Variants in COL5A1 observed in about 807,000 individuals in gnomAD.
The protein encoded by COL5A1 is collagen type V alpha 1 chain, also known as collagen alpha-1(V) chain.
In COL5A1, 16 loss-of-function variants were observed where a neutral mutation model predicts 263.7. The observed-to-expected ratio is 0.06, with a 90% confidence interval of 0.04 to 0.09. The LOEUF is 0.09. Ranked by LOEUF, COL5A1 falls within the 10% of genes least tolerant of loss-of-function variation. The pLI is 1.00. For synonymous variants in COL5A1, 1,012 were observed against 1,004.5 expected (o/e 1.01, Z -0.14); for missense variants, 2,036 against 2,540.5 (o/e 0.80, Z 4.27).
Position 134,680,668 on chromosome 9 carries a change from G to A in COL5A1, c.110-10244G>A, listed in dbSNP as rs1372929013. On this transcript the variant is annotated intron_variant, in intron 1 of 65. Transcript: ENST00000371817. This position sits in a 1 kb window ranked among gnomAD's most constrained non-coding sequence, Gnocchi z 5.9. ...CATGCTGTGCACTGCACAACCCCAG[G>A]GAGCGCTGTTCTAATGCACCATGAT... 1.3e-5 allele frequency among the ~76,000 whole-genome samples: 2 copies of A among 152,220 alleles called. No individual in the cohort carries two copies. Among genetic ancestry groups the A allele is most frequent in the South Asian group, 4.1e-4 (2 of 4,832 alleles).
At position 134,701,301 on chromosome 9, in the gene COL5A1, G is replaced by C; in HGVS notation, c.622G>C (p.Gly208Arg). 1 of 1,613,992 alleles carries C rather than the reference G, an allele frequency of 6.2e-7. No individual in the cohort carries two copies. The highest frequency in any genetic ancestry group is 8.5e-7 in the Non-Finnish European group (1 of 1,180,020). Residue 208 changes from glycine to arginine, a missense_variant, in exon 4 of 66, where the codon GGC becomes CGC. By Grantham distance (125) the Gly-to-Arg change is moderately radical. Around this residue, in one of 3 missense-constraint regions of COL5A1, gnomAD observed 600 missense variants for 634.5 expected, o/e 0.95. Coordinates refer to ENST00000371817, the MANE Select transcript of COL5A1 (RefSeq NM_000093.5). The stretch of plus-strand genomic sequence containing the variant: ...CGACATCAATGGCATCATCGTGTTT[G>C]GCACCCGGATCCTGGATGAGGAGGT... ...MIDINGIIVF[G>R]TRILDEEVFE...
At chr9:134,701,436 G>A (rs1487542286) in intron 4 of COL5A1, 103 bp downstream of exon 4, 1 of 1,145,650 alleles carries the variant, frequency 8.7e-7, no homozygotes, top group Non-Finnish European at 1.3e-6. Context: ...GGACCGGCTG[G>A]CGGTCCACTG....
At chr9:134,832,002 T>G (rs992771697) in intron 64 of COL5A1, among the ~76,000 whole-genome samples, 3 of 152,160 alleles carry the variant, frequency 2.0e-5, no homozygotes, top group African/African-American at 7.2e-5. Flanking sequence ...CAGGGGCTCA[T>G]GCTTATAATC....
rs1832745536 is a variant in COL5A1, at chr9:134,678,552, T to C, written c.110-12360T>C. On this transcript the variant is annotated intron_variant, in intron 1 of 65. Transcript: ENST00000371817. The surrounding 1 kb of genome is among the most constrained non-coding windows in gnomAD (Gnocchi z 5.5). ...TCCCTGCAGGGCAAGCACCTGCTTC[T>C]CACCACCTGCTGCTCCTCCATGGTC... Among the ~76,000 whole-genome samples the C allele has an allele frequency of 6.6e-6, 1 of 152,232 alleles. No individual in the cohort carries two copies. Among genetic ancestry groups the C allele is most frequent in the African/African-American group, 2.4e-5 (1 of 41,462 alleles).
chr9:134,737,838 T>C (rs1418488640), intron 9 of COL5A1, among the ~76,000 whole-genome samples: 1 of 152,150 alleles, frequency 6.6e-6, no homozygotes, highest in Non-Finnish European at 1.5e-5. Flanking sequence ...TTGAGGCAGA[T>C]GGGCCCTGTG....
intron 13 of COL5A1, among the ~76,000 whole-genome samples, chr9:134,751,922 C>T (rs546013587): frequency 1.2e-4 from 18 of 152,328 alleles, no homozygotes; most frequent in South Asian, 6.2e-4. Context: ...GGCCTTTTAT[C>T]TTGTGTATTT....
At position 134,757,736 on chromosome 9, in the gene COL5A1, T is replaced by C. The variant is rs1310407632; in HGVS notation, c.1882-507T>C. Among the ~76,000 whole-genome samples the C allele has an allele frequency of 6.6e-6, 1 of 152,054 alleles. No individual in the cohort carries two copies. ...ATGAGACAGGGCCCTGTTCCCGGGCTCCAGGGCATGCAGAAGAGGGGCCGG... is the reference window on the plus strand; with the variant it reads ...ATGAGACAGGGCCCTGTTCCCGGGCCCCAGGGCATGCAGAAGAGGGGCCGG... On this transcript the variant is annotated intron_variant, in intron 17 of 65. Transcript: ENST00000371817. This position sits in a 1 kb window ranked among gnomAD's most constrained non-coding sequence, Gnocchi z 6.2.
Position 134,820,333 on chromosome 9 carries a change from C to T in COL5A1, c.4554+110C>T, listed in dbSNP as rs930176197. ...ATCAGAGCCCGGAAGGACGTCCACA[C>T]GTCGGTTGAGTCCGGTCATCCTGCT... is the stretch of plus-strand genomic sequence containing the variant. On this transcript the variant is annotated intron_variant, in intron 58 of 65. Coordinates refer to ENST00000371817, the MANE Select transcript of COL5A1 (RefSeq NM_000093.5). The T allele has an allele frequency of 2.2e-5, 19 of 846,232 alleles. No homozygotes were observed. In the East Asian group the frequency reaches 2.4e-4, roughly 11 times the overall value. The allele number at this position is 846,232 out of a possible 1,614,324, so 52.4% of individuals were successfully genotyped here.
At chr9:134,829,109 C>T (rs906230692) in intron 63 of COL5A1, among the ~76,000 whole-genome samples, 1 of 148,012 alleles carries the variant, frequency 6.8e-6, no homozygotes, top group African/African-American at 2.5e-5. Context: ...TATTACCATT[C>T]CCTTGGTCCA....
At chr9:134,839,293 G>A (rs1480045127) in intron 65 of COL5A1, among the ~76,000 whole-genome samples, 1 of 152,190 alleles carries the variant, frequency 6.6e-6, no homozygotes, top group Non-Finnish European at 1.5e-5. Context: ...GGCCTGTAAT[G>A]GTTATTTATA....
chr9:134,839,720 C>T (rs1404281824), intron 65 of COL5A1, among the ~76,000 whole-genome samples: 1 of 152,196 alleles, frequency 6.6e-6, no homozygotes, highest in Non-Finnish European at 1.5e-5. Context: ...GTCTCTGGCT[C>T]CTCGCCGGTG....
intron 4 of COL5A1, among the ~76,000 whole-genome samples, chr9:134,718,875 G>T (rs1380381571): frequency 6.6e-6 from 1 of 152,104 alleles, no homozygotes; most frequent in Non-Finnish European, 1.5e-5. Flanking sequence ...CCTTCCTCCT[G>T]GGGGGGCTGC....
intron 4 of COL5A1, among the ~76,000 whole-genome samples, chr9:134,710,266 G>A (rs186705857): frequency 6.6e-6 from 1 of 152,248 alleles, no homozygotes; most frequent in Non-Finnish European, 1.5e-5. Flanking sequence ...TCCTGCCCGC[G>A]CGAGACGGTG....
In COL5A1 at chr9:134,750,548, C is replaced by T. The variant is rs1401835114; in HGVS notation, c.1501C>T (p.Pro501Ser). Residue 501 changes from proline to serine, a missense_variant, in exon 12 of 66, where the codon CCT becomes TCT. Coordinates refer to ENST00000371817, the MANE Select transcript of COL5A1 (RefSeq NM_000093.5). ...CTTGGCCCCTTGTCTTCAGGGCCCC[C>T]CTGGACGCCCAGGCCTTCCTGGGGC... ...QVGDPGERGP[P>S]GRPGLPGADG... 8 of 1,613,714 alleles carry T rather than the reference C, an allele frequency of 5.0e-6. No individual in the cohort carries two copies. The highest frequency in any genetic ancestry group is 6.8e-6 in the Non-Finnish European group (8 of 1,180,026).
intron 18 of COL5A1, among the ~76,000 whole-genome samples, chr9:134,759,822 A>G (rs1370214161): frequency 8.0e-5 from 5 of 62,770 alleles, no homozygotes; most frequent in African/African-American, 7.8e-5. Flanking sequence ...ACGCATACAC[A>G]CCCACACCCC....
intron 25 of COL5A1, among the ~76,000 whole-genome samples, chr9:134,769,663 A>C (rs1836804035): frequency 6.6e-6 from 1 of 151,904 alleles, no homozygotes; most frequent in South Asian, 2.1e-4. Context: ...ATCTGTGGGG[A>C]CAGTGGCTGG....
At chr9:134,805,523 C>T (rs1838264094) in intron 41 of COL5A1, among the ~76,000 whole-genome samples, 1 of 152,084 alleles carries the variant, frequency 6.6e-6, no homozygotes, top group South Asian at 2.1e-4. Flanking sequence ...GCCTACACAC[C>T]TATCGTGGGT....
intron 11 of COL5A1, among the ~76,000 whole-genome samples, chr9:134,746,013 C>T (rs1438082324): frequency 1.3e-5 from 2 of 152,164 alleles, no homozygotes; most frequent in Non-Finnish European, 2.9e-5. Flanking sequence ...ATTTAGGACC[C>T]AAGATCTCAT....
chr9:134,738,703 C>G (rs185588172), intron 10 of COL5A1, 43 bp from the exon 11 acceptor site: 2 of 1,552,322 alleles, frequency 1.3e-6, no homozygotes, highest in East Asian at 4.5e-5. Flanking sequence ...CCTTGCCCTG[C>G]GGCCCCATCT....
Sources: gnomAD v4.1 joint callset for allele counts (sites outside exome capture counted in the v4.1 genomes callset) on GRCh38, gnomAD v4.1.1 for gene constraint, gnomAD v4.1.1 regional missense constraint, Gnocchi (gnomAD v3.1) non-coding constraint, MANE v1.5 for transcripts, NCBI Gene and HGNC (gene_info 2026-07-23, HGNC 2026-07-21) for gene names.